THADA: variants seen among roughly 807,000 people sequenced by gnomAD.
The protein encoded by THADA is THADA armadillo repeat containing, also known as tRNA (32-2'-O)-methyltransferase regulator THADA.
A neutral mutation model predicts 219.8 loss-of-function variants in THADA; 213 were observed. That is an observed-to-expected ratio of 0.97 (90% CI 0.87 to 1.09). The LOEUF is 1.09. Ranked by LOEUF, THADA falls within the 50% of genes least tolerant of loss-of-function variation. The pLI, the probability that THADA is intolerant of heterozygous loss-of-function variation, is 0.00. For synonymous variants in THADA, 1,018 were observed against 828.9 expected, an observed-to-expected ratio of 1.23 and a Z score of -3.92; for missense variants, 2,956 against 2,311.3, an observed-to-expected ratio of 1.28 and a Z score of -5.72.
chr2:43,534,682 T>C (rs189700007), intron 21 of THADA, among the ~76,000 whole-genome samples: 1 of 152,312 alleles, frequency 6.6e-6, no homozygotes, highest in East Asian at 1.9e-4. Context: ...TTCCACTCTG[T>C]ATATATACAC....
At chr2:43,485,128 G>C in intron 26 of THADA, 106 bp downstream of exon 26, 1 of 791,108 alleles carries the variant, frequency 1.3e-6, no homozygotes, top group Non-Finnish European at 2.0e-6. Flanking sequence ...ATAGTTTTAT[G>C]CTCTAGATGA....
At chr2:43,308,301 A>G (rs543982347) in intron 31 of THADA, among the ~76,000 whole-genome samples, 2 of 152,356 alleles carry the variant, frequency 1.3e-5, no homozygotes, top group African/African-American at 4.8e-5. Context: ...AAAAAAAAGA[A>G]TGAGCATCAG....
chr2:43,418,177 T>C (rs1013329827), intron 28 of THADA, among the ~76,000 whole-genome samples: 5 of 152,166 alleles, frequency 3.3e-5, no homozygotes. Context: ...CCCTGACTCC[T>C]TAGGGAGTCA....
At chr2:43,350,898 G>T (rs11898983) in intron 29 of THADA, among the ~76,000 whole-genome samples, 21,141 of 152,176 alleles carry the variant, frequency 0.14, 2,375 homozygotes, top group African/African-American at 0.31. Context: ...AGGATGCTAA[G>T]TACAAAGTGT....
At chr2:43,569,080 T>C (rs1699008748) in intron 14 of THADA, among the ~76,000 whole-genome samples, 2 of 152,098 alleles carry the variant, frequency 1.3e-5, no homozygotes, top group Admixed American at 1.3e-4. Flanking sequence ...CCAGCAACCT[T>C]CAACCCTAAG....
At chr2:43,454,597 G>A (rs1293054781) in intron 26 of THADA, among the ~76,000 whole-genome samples, 1 of 98,856 alleles carries the variant, frequency 1.0e-5, no homozygotes, top group Non-Finnish European at 2.0e-5. Flanking sequence ...AGGAGACCCT[G>A]TCTAAACACA....
intron 36 of THADA, among the ~76,000 whole-genome samples, chr2:43,273,137 T>C (rs572162123): frequency 1.3e-5 from 2 of 152,098 alleles, no homozygotes; most frequent in South Asian, 4.1e-4. Context: ...TAATCCCAGC[T>C]ACTCAGGAGG....
chr2:43,245,049 G>T (rs1315950444), intron 36 of THADA, among the ~76,000 whole-genome samples: 1 of 152,158 alleles, frequency 6.6e-6, no homozygotes, highest in East Asian at 1.9e-4. Flanking sequence ...CACCAGCTCT[G>T]AGGACACATT....
chr2:43,478,322 G>A (rs1558825446), intron 26 of THADA, among the ~76,000 whole-genome samples: 1 of 152,150 alleles, frequency 6.6e-6, no homozygotes, highest in African/African-American at 2.4e-5. Context: ...TATTATCCAA[G>A]TTCTAAAGAA....
chr2:43,586,584 G>A, intron 6 of THADA, 118 bp downstream of exon 6: 1 of 1,328,488 alleles, frequency 7.5e-7, no homozygotes, highest in South Asian at 1.4e-5. Context: ...GAAGGGTCAT[G>A]ATGTACCTAA....
chr2:43,441,060 G>A (rs1050035368), intron 26 of THADA, among the ~76,000 whole-genome samples: 2 of 152,152 alleles, frequency 1.3e-5, no homozygotes, highest in African/African-American at 4.8e-5. Context: ...AGCAAAGTAG[G>A]TTTTTGACTA....
chr2:43,514,054 T>A, intron 22 of THADA, among the ~76,000 whole-genome samples: 1 of 148,764 alleles, frequency 6.7e-6, no homozygotes. Context: ...AGTGAGACAC[T>A]GTCCCTTAAA....
At position 43,552,003 on chromosome 2, in the gene THADA, G is replaced by C. The variant is rs756515008; in HGVS notation, c.2811-78C>G. On this transcript the variant is annotated intron_variant, in intron 18 of 37. Transcript: ENST00000405975. ...AAAATGAAAATTAGATAAAAGGATT[G>C]ACTTTGTGTTTCAAAATTGTTCAAT... 2.5e-6 allele frequency: 4 copies of C among 1,568,754 alleles called. No individual in the cohort carries two copies. The African/African-American group carries it at 4.1e-5, about 16-fold the overall frequency.
chr2:43,355,487 G>A (rs1486641556), intron 29 of THADA, among the ~76,000 whole-genome samples: 3 of 152,120 alleles, frequency 2.0e-5, no homozygotes, highest in South Asian at 2.1e-4. Context: ...TCCTTTGCTC[G>A]CAGAAGCTTT....
chr2:43,585,565 T>A (rs538859800), intron 7 of THADA, among the ~76,000 whole-genome samples: 3 of 147,376 alleles, frequency 2.0e-5, no homozygotes, highest in Non-Finnish European at 3.0e-5. Context: ...GATAGATAGA[T>A]AGATAGATAG....
At chr2:43,446,687 T>C (rs1341138082) in intron 26 of THADA, among the ~76,000 whole-genome samples, 1 of 152,018 alleles carries the variant, frequency 6.6e-6, no homozygotes, top group East Asian at 1.9e-4. Context: ...TTGGGGTTGT[T>C]TGTCATGCAG....
At chr2:43,256,899 T>A (rs921371633) in intron 36 of THADA, among the ~76,000 whole-genome samples, 1 of 152,184 alleles carries the variant, frequency 6.6e-6, no homozygotes, top group Non-Finnish European at 1.5e-5. Flanking sequence ...TTTATTCATA[T>A]TTTAATACAA....
At position 43,282,297 on chromosome 2, in the gene THADA, T is replaced by C. The variant is rs530801735; in HGVS notation, c.5165-2401A>G. ...ACACTCACAGAAGGTCCCTTCTCAA[T>C]GTCTCTCTGGCTGTAAGAAAAATGC... is the stretch of plus-strand genomic sequence containing the variant. On this transcript the variant is annotated intron_variant, in intron 35 of 37. Coordinates refer to ENST00000405975, the MANE Select transcript of THADA (RefSeq NM_022065.5). 1.4e-4 allele frequency among the ~76,000 whole-genome samples: 21 copies of C among 152,316 alleles called. No homozygotes were observed. The South Asian group carries it at 1.4e-3, about 11-fold the overall frequency.
intron 13 of THADA, among the ~76,000 whole-genome samples, chr2:43,570,795 C>T (rs1394190671): frequency 6.6e-6 from 1 of 152,090 alleles, no homozygotes; most frequent in African/African-American, 2.4e-5. Flanking sequence ...TTCTTCACCC[C>T]ATAAATGTGT....
Sources: allele counts gnomAD v4.1 joint callset (sites outside exome capture counted in the v4.1 genomes callset), GRCh38; gene constraint gnomAD v4.1.1; transcripts MANE v1.5; gene names NCBI Gene and HGNC (gene_info 2026-07-23, HGNC 2026-07-21).